Variants in NAALADL2 observed in about 807,000 individuals in gnomAD.
NAALADL2 encodes N-acetylated alpha-linked acidic dipeptidase like 2, also known as inactive N-acetylated-alpha-linked acidic dipeptidase-like protein 2.
Under a neutral mutation model 87.2 loss-of-function variants are expected in NAALADL2, and 76 were observed. The ratio of observed to expected loss-of-function variants is 0.87; its 90% CI spans 0.72 to 1.05. The LOEUF is 1.05. NAALADL2 is among the 50% of genes least tolerant of loss of function. The probability of loss-of-function intolerance (pLI) is 0.00; values close to 1 mark genes in which losing one functional copy is unlikely to be tolerated. For synonymous variants in NAALADL2, 354 were observed against 331.0 expected, an observed-to-expected ratio of 1.07 and a Z score of -0.75; for missense variants, 1,089 against 945.8, an observed-to-expected ratio of 1.15 and a Z score of -1.99.
intron 2 of NAALADL2, among the ~76,000 whole-genome samples, chr3:174,580,628 A>G (rs915423394): frequency 4.6e-5 from 7 of 152,208 alleles, no homozygotes; most frequent in East Asian, 1.9e-4. Context: ...CTAGAATTTG[A>G]TATCAATTGA....
intron 3 of NAALADL2, 85 bp downstream of exon 3, chr3:175,234,289 G>T: frequency 7.2e-7 from 1 of 1,383,058 alleles, no homozygotes; most frequent in East Asian, 2.3e-5. Context: ...TAACTGTCAA[G>T]ATGCAACATA....
At chr3:175,478,653 A>T (rs1012158340) in intron 9 of NAALADL2, among the ~76,000 whole-genome samples, 1 of 151,862 alleles carries the variant, frequency 6.6e-6, no homozygotes. Flanking sequence ...TTAATATCAC[A>T]TTGTTAAAAT....
At chr3:174,967,767 C>T (rs1438554314) in intron 1 of NAALADL2, among the ~76,000 whole-genome samples, 2 of 152,176 alleles carry the variant, frequency 1.3e-5, no homozygotes, top group Non-Finnish European at 2.9e-5. Flanking sequence ...ACATCACTGA[C>T]CCCAAGAAAG....
At chr3:175,013,827 C>T (rs1185022975) in intron 1 of NAALADL2, among the ~76,000 whole-genome samples, 1 of 152,190 alleles carries the variant, frequency 6.6e-6, no homozygotes, top group South Asian at 2.1e-4. Context: ...CTTCCTCTCG[C>T]ATGTGCTGAT....
intron 5 of NAALADL2, among the ~76,000 whole-genome samples, chr3:175,360,712 A>G (rs1357957341): frequency 5.9e-5 from 9 of 151,598 alleles, no homozygotes; most frequent in African/African-American, 1.7e-4. Context: ...TCTTTTTTCT[A>G]TATATGACAC....
At chr3:175,221,830 C>T (rs994746130) in intron 2 of NAALADL2, among the ~76,000 whole-genome samples, 4 of 151,506 alleles carry the variant, frequency 2.6e-5, no homozygotes, top group South Asian at 4.2e-4. Context: ...GGCTGGAGTG[C>T]GTGGCTCGAT....
intron 6 of NAALADL2, among the ~76,000 whole-genome samples, chr3:175,450,567 C>A (rs1024191224): frequency 2.0e-5 from 3 of 152,118 alleles, no homozygotes; most frequent in African/African-American, 7.2e-5. Context: ...ACATTTAACA[C>A]CTCTAGTGTT....
At chr3:175,479,934 A>G (rs994923692) in intron 9 of NAALADL2, among the ~76,000 whole-genome samples, 1 of 151,796 alleles carries the variant, frequency 6.6e-6, no homozygotes, top group Admixed American at 6.6e-5. Flanking sequence ...AACAATTTCA[A>G]TTCAGCCTAA....
At chr3:174,589,317 G>T (rs1717100226) in intron 2 of NAALADL2, among the ~76,000 whole-genome samples, 1 of 152,164 alleles carries the variant, frequency 6.6e-6, no homozygotes, top group African/African-American at 2.4e-5. Flanking sequence ...CCGACCCCTT[G>T]TGCTTCCCGG....
chr3:175,412,220 T>C (rs553443143), intron 5 of NAALADL2, among the ~76,000 whole-genome samples: 1 of 152,318 alleles, frequency 6.6e-6, no homozygotes, highest in East Asian at 1.9e-4. Context: ...TTTTCCCCCC[T>C]TTTTATGCTA....
At chr3:175,507,823 A>G (rs1020467834) in intron 9 of NAALADL2, among the ~76,000 whole-genome samples, 16 of 152,300 alleles carry the variant, frequency 1.1e-4, no homozygotes, top group East Asian at 5.8e-4. Flanking sequence ...ACTCATGTAC[A>G]TGCATAAGCC....
At chr3:174,604,312 T>G (rs953855556) in intron 2 of NAALADL2, among the ~76,000 whole-genome samples, 2 of 152,232 alleles carry the variant, frequency 1.3e-5, no homozygotes, top group Non-Finnish European at 2.9e-5. Context: ...TTTATCATTA[T>G]ATAGTGACCT....
At chr3:175,149,437 A>T (rs1731230221) in intron 2 of NAALADL2, among the ~76,000 whole-genome samples, 1 of 152,126 alleles carries the variant, frequency 6.6e-6, no homozygotes, top group South Asian at 2.1e-4. Context: ...GTTTATTAAA[A>T]CTCACATCTC....
chr3:174,751,763 T>C (rs896668984), intron 3 of NAALADL2, among the ~76,000 whole-genome samples: 1 of 152,104 alleles, frequency 6.6e-6, no homozygotes, highest in African/African-American at 2.4e-5. Context: ...CTAATAACTT[T>C]CATGTACGCT....
chr3:175,256,392 G>GT lies in NAALADL2; in HGVS notation c.820-13dup, dbSNP rs1560241271. The GT allele has an allele frequency of 9.4e-6, 15 of 1,590,042 alleles. No homozygotes were observed. Among genetic ancestry groups the GT allele is most frequent in the Admixed American group, 1.8e-5 (1 of 54,076 alleles). The stretch of plus-strand genomic sequence containing the variant: ...TTCCTCTGAGGCTTTATTTTTCTTT[G>GT]TTTTTTCTCCTCTTTCAGGCTGAAG... On this transcript the variant is annotated intron_variant, in intron 3 of 13. Transcript: ENST00000454872.
chr3:175,660,671 T>G (rs1197186484), intron 11 of NAALADL2, among the ~76,000 whole-genome samples: 1 of 152,086 alleles, frequency 6.6e-6, no homozygotes, highest in Non-Finnish European at 1.5e-5. Context: ...CCCTTTTCCC[T>G]TCCCAGCCTC....
At chr3:175,209,209 C>A (rs900440360) in intron 2 of NAALADL2, among the ~76,000 whole-genome samples, 11 of 152,164 alleles carry the variant, frequency 7.2e-5, no homozygotes, top group Non-Finnish European at 1.3e-4. Context: ...TTTCTGACTT[C>A]TCCAGATAAC....
chr3:175,193,081 C>T (rs1738444661), intron 2 of NAALADL2, among the ~76,000 whole-genome samples: 1 of 151,854 alleles, frequency 6.6e-6, no homozygotes, highest in African/African-American at 2.4e-5. Flanking sequence ...TGAAAGTCGC[C>T]TGACTTTTGT....
At chr3:175,291,352 A>G (rs907560427) in intron 4 of NAALADL2, among the ~76,000 whole-genome samples, 2 of 152,160 alleles carry the variant, frequency 1.3e-5, no homozygotes, top group African/African-American at 2.4e-5. Flanking sequence ...TGCTTATTAT[A>G]TATTTGCATG....
Sources: gnomAD v4.1 joint callset for allele counts (sites outside exome capture counted in the v4.1 genomes callset) on GRCh38, gnomAD v4.1.1 for gene constraint, MANE v1.5 for transcripts, NCBI Gene and HGNC (gene_info 2026-07-23, HGNC 2026-07-21) for gene names.